CPED1: variants seen among roughly 807,000 people sequenced by gnomAD.
CPED1 encodes the protein cadherin-like and PC-esterase domain-containing protein 1.
Under a neutral mutation model 128.2 loss-of-function variants are expected in CPED1, and 114 were observed. That is an observed-to-expected ratio of 0.89 (90% CI 0.76 to 1.04). The LOEUF (loss-of-function observed/expected upper bound fraction) is 1.04, where lower values mean the gene tolerates loss of function less well. Ranked by LOEUF, CPED1 falls within the 50% of genes least tolerant of loss-of-function variation. CPED1 has a pLI of 0.00. For missense variants in CPED1, 1,211 were observed against 1,207.1 expected (o/e 1.00, Z -0.05); for synonymous variants, 462 against 426.7 (o/e 1.08, Z -1.02).
At chr7:121,183,242 C>T (rs140354535) in intron 16 of CPED1, among the ~76,000 whole-genome samples, 218 of 152,196 alleles carry the variant, frequency 1.4e-3, no homozygotes, top group African/African-American at 4.7e-3. Flanking sequence ...TCCTTTTTCA[C>T]AACTGTCACC....
intron 7 of CPED1, among the ~76,000 whole-genome samples, chr7:121,114,039 C>T (rs1418657101): frequency 6.6e-6 from 1 of 152,042 alleles, no homozygotes; most frequent in Non-Finnish European, 1.5e-5. Flanking sequence ...ACCATGTTAG[C>T]CAGAATGGTC....
chr7:121,179,813 A>C (rs1247222173), intron 16 of CPED1, among the ~76,000 whole-genome samples: 1 of 152,064 alleles, frequency 6.6e-6, no homozygotes, highest in Non-Finnish European at 1.5e-5. Context: ...GTATAAGACA[A>C]AGACAAATAA....
intron 18 of CPED1, among the ~76,000 whole-genome samples, chr7:121,257,685 G>A (rs184258340): frequency 1.2e-3 from 189 of 151,800 alleles, no homozygotes; most frequent in Admixed American, 3.0e-3. Context: ...GGGTTTTCCC[G>A]GTACATCTAT....
intron 2 of CPED1, among the ~76,000 whole-genome samples, chr7:120,998,605 A>G (rs1216342354): frequency 6.6e-6 from 1 of 152,194 alleles, no homozygotes; most frequent in African/African-American, 2.4e-5. Context: ...TGAGCAATAA[A>G]TAATTGCTGC....
chr7:121,007,340 G>C (rs1274470476), intron 2 of CPED1, among the ~76,000 whole-genome samples: 1 of 150,260 alleles, frequency 6.7e-6, no homozygotes, highest in East Asian at 2.0e-4. Flanking sequence ...TTTCAGAAAG[G>C]CACCGTATGG....
chr7:121,004,794 A>G (rs1011372362), intron 2 of CPED1, among the ~76,000 whole-genome samples: 1 of 152,204 alleles, frequency 6.6e-6, no homozygotes, highest in Non-Finnish European at 1.5e-5. Flanking sequence ...AATGTTTCAT[A>G]AAGGGCTAAT....
At chr7:121,247,723 G>A (rs1487312448) in intron 18 of CPED1, among the ~76,000 whole-genome samples, 1 of 152,178 alleles carries the variant, frequency 6.6e-6, no homozygotes, top group East Asian at 1.9e-4. Context: ...TCTGTCCAGA[G>A]AGTAGACATA....
At chr7:121,218,375 A>G (rs1797806313) in intron 16 of CPED1, among the ~76,000 whole-genome samples, 1 of 152,040 alleles carries the variant, frequency 6.6e-6, no homozygotes, top group South Asian at 2.1e-4. Flanking sequence ...TTAAATATTC[A>G]ACTCTCTTAG....
chr7:121,059,780 A>T (rs1793604100), intron 4 of CPED1, among the ~76,000 whole-genome samples: 1 of 152,226 alleles, frequency 6.6e-6, no homozygotes, highest in African/African-American at 2.4e-5. Context: ...GCATATTATC[A>T]CACATTAGTG....
At chr7:121,241,817 C>T (rs1051303784) in intron 17 of CPED1, among the ~76,000 whole-genome samples, 1 of 152,098 alleles carries the variant, frequency 6.6e-6, no homozygotes, top group African/African-American at 2.4e-5. Context: ...GGTAATCAGG[C>T]ACTATGGCAG....
At chr7:121,241,884 A>C (rs950648101) in intron 17 of CPED1, among the ~76,000 whole-genome samples, 4 of 152,204 alleles carry the variant, frequency 2.6e-5, no homozygotes, top group Non-Finnish European at 5.9e-5. Context: ...AGATTAAGTA[A>C]TTTGTCTAAT....
At position 121,047,646 on chromosome 7, in the gene CPED1, T is replaced by C. The variant is rs988271936; in HGVS notation, c.540+653T>C. ...TACAATTCGCCATCTAGATAGCACC[T>C]TTCTTCTTCTTCTTCTTCTTCTTCT... is the stretch of plus-strand genomic sequence containing the variant. On this transcript the variant is annotated intron_variant, in intron 4 of 22. Transcript: ENST00000310396. Among the ~76,000 whole-genome samples, 138 of 123,060 alleles carry C rather than the reference T, an allele frequency of 1.1e-3. 4 individuals carry two copies. The highest frequency in any genetic ancestry group is 4.6e-3 in the African/African-American group (129 of 27,990). The allele number at this position is 123,060 out of a possible 152,430, so 80.7% of individuals were successfully genotyped here.
chr7:121,280,505 G>A (rs1275564680), intron 22 of CPED1, among the ~76,000 whole-genome samples: 1 of 152,122 alleles, frequency 6.6e-6, no homozygotes, highest in Non-Finnish European at 1.5e-5. Flanking sequence ...AGGAAGGGTG[G>A]GGGACAGACA....
At chr7:121,237,700 T>C (rs999515455) in intron 17 of CPED1, among the ~76,000 whole-genome samples, 1 of 152,148 alleles carries the variant, frequency 6.6e-6, no homozygotes, top group Admixed American at 6.5e-5. Context: ...CAAGTCTCCC[T>C]TCCTCTAAAA....
chr7:121,093,397 T>TACACACACACAC (rs10526224), intron 5 of CPED1, among the ~76,000 whole-genome samples: 17,890 of 145,372 alleles, frequency 0.12, 1,561 homozygotes, highest in East Asian at 0.34. Context: ...CCTTTTTCTG[T>TACACACACACAC]ACACACACAC....
intron 5 of CPED1, among the ~76,000 whole-genome samples, chr7:121,073,525 T>C (rs541110096): frequency 6.6e-6 from 1 of 152,208 alleles, no homozygotes; most frequent in Non-Finnish European, 1.5e-5. Context: ...TTCTACAGTT[T>C]ACTTTAGCTT....
In CPED1 at chr7:121,129,293, A is replaced by ATATATATATACACG. The variant is rs1429627130; in HGVS notation, c.1407+817_1407+818insCACGTATATATATA. ...TATGTGTGTGTGTATATATGTATATATATATATATATATATATACGTATAT... is the reference window on the plus strand; with the variant it reads ...TATGTGTGTGTGTATATATGTATATATATATATATACACGTATATATATATATATATACGTATAT... On this transcript the variant is annotated intron_variant, in intron 11 of 22. Coordinates refer to ENST00000310396, the MANE Select transcript of CPED1 (RefSeq NM_024913.5). Among the ~76,000 whole-genome samples the ATATATATATACACG allele has an allele frequency of 6.5e-3, 87 of 13,424 alleles. 3 individuals are homozygous for ATATATATATACACG. The South Asian group carries it at 0.093, about 14-fold the overall frequency. The allele number at this position is 13,424 out of a possible 152,430, so 8.8% of individuals were successfully genotyped here. A position where few individuals can be genotyped will look rare whatever the true frequency, so the allele number is the denominator to read the frequency against.
rs140282147 is a variant in CPED1 at position 120,999,229 on chromosome 7, C to G, written c.249+9359C>G. Reference sequence around the variant, plus strand: ...TTTTCCTGTACAAGTATCCCTTGATCTCTTTACTGTACTATCTCTTGGACT... The same window carrying G: ...TTTTCCTGTACAAGTATCCCTTGATGTCTTTACTGTACTATCTCTTGGACT... On this transcript the variant is annotated intron_variant, in intron 2 of 22. Coordinates refer to ENST00000310396, the MANE Select transcript of CPED1 (RefSeq NM_024913.5). Among the ~76,000 whole-genome samples, 322 of 152,280 alleles carry G rather than the reference C, an allele frequency of 2.1e-3. 1 individual carries two copies. Among genetic ancestry groups the G allele is most frequent in the Non-Finnish European group, 3.8e-3 (256 of 68,016 alleles).
intron 4 of CPED1, among the ~76,000 whole-genome samples, chr7:121,060,766 C>A (rs922863497): frequency 4.6e-5 from 7 of 152,232 alleles, no homozygotes; most frequent in African/African-American, 1.7e-4. Flanking sequence ...CAGGCTGTCC[C>A]AGCCAGCAGT....
Sources: allele counts gnomAD v4.1 joint callset (sites outside exome capture counted in the v4.1 genomes callset), GRCh38; gene constraint gnomAD v4.1.1; transcripts MANE v1.5; gene names NCBI Gene and HGNC (gene_info 2026-07-23, HGNC 2026-07-21).